Variants in RBFOX1 observed in about 807,000 individuals in gnomAD.
RBFOX1 encodes the protein RNA binding protein fox-1 homolog 1.
RBFOX1 carries 8 observed loss-of-function variants against 57.7 expected under a neutral mutation model. The observed-to-expected ratio is 0.14, with a 90% CI of 0.08 to 0.25. The LOEUF (loss-of-function observed/expected upper bound fraction) is 0.25. Among genes scored for constraint, RBFOX1 ranks in the 10% least tolerant of loss-of-function variants. The pLI is 1.00. For missense variants in RBFOX1, 611 were observed against 548.5 expected, an observed-to-expected ratio of 1.11 and a Z score of -1.14; for synonymous variants, 326 against 222.4, an observed-to-expected ratio of 1.47 and a Z score of -4.15.
At chr16:5,769,422 C>T (rs1160100636) in intron 3 of RBFOX1, among the ~76,000 whole-genome samples, 1 of 150,560 alleles carries the variant, frequency 6.6e-6, no homozygotes, top group Admixed American at 6.6e-5. Flanking sequence ...AGGTGGATCA[C>T]TTGAAGTCAG....
chr16:6,108,303 C>T (rs1414640081), intron 1 of RBFOX1, among the ~76,000 whole-genome samples: 1 of 152,068 alleles, frequency 6.6e-6, no homozygotes, highest in African/African-American at 2.4e-5. Flanking sequence ...TTTCTGAGTT[C>T]TGACAGCTCT....
Position 6,019,562 on chromosome 16 carries a change from G to A in RBFOX1, c.-557G>A. On this transcript the variant is annotated 5_prime_UTR_variant, in exon 1 of 16. Transcript: ENST00000550418. The surrounding 1 kb of genome is among the most constrained non-coding windows in gnomAD (Gnocchi z 4.2). ...CGGGAACAGCAGAGGCGGCGGCACT[G>A]GCTGGACCCACGCGCGCGCCTCCGG... The A allele has an allele frequency of 1.2e-5, 14 of 1,146,554 alleles. No homozygotes were observed. The highest frequency in any genetic ancestry group is 1.5e-5 in the Non-Finnish European group (14 of 933,108). 71.0% of individuals were successfully genotyped at this position (1,146,554 alleles called of 1,614,324 possible).
chr16:6,487,657 A>G (rs938758812), intron 2 of RBFOX1, among the ~76,000 whole-genome samples: 1 of 130,190 alleles, frequency 7.7e-6, no homozygotes, highest in African/African-American at 2.9e-5. Context: ...GCTTCCAAAG[A>G]TGGCAGTGAT....
chr16:6,019,314 C>T lies in RBFOX1; in HGVS notation c.-805C>T, dbSNP rs1485315379. ...TTTGAAGGTCACCTCCTTTCCAGTC[C>T]CCGTGCGAGCCGCGCTGCCGCCGCC... is the stretch of plus-strand genomic sequence containing the variant. On this transcript the variant is annotated 5_prime_UTR_variant, in exon 1 of 16. Transcript: ENST00000550418. This position sits in a 1 kb window ranked among gnomAD's most constrained non-coding sequence, Gnocchi z 4.2. The T allele has an allele frequency of 3.0e-6, 3 of 985,134 alleles. No individual in the cohort carries two copies. The highest frequency in any genetic ancestry group is 3.6e-6 in the Non-Finnish European group (3 of 830,200). 61.0% of individuals were successfully genotyped at this position (985,134 alleles called of 1,614,324 possible). A position where few individuals can be genotyped will look rare whatever the true frequency, so the allele number is the denominator to read the frequency against.
chr16:6,939,972 G>A (rs992790574), intron 3 of RBFOX1, among the ~76,000 whole-genome samples: 1 of 152,198 alleles, frequency 6.6e-6, no homozygotes. Context: ...GGAATTTAAA[G>A]TTTGTATAAT....
Position 7,443,158 on chromosome 16 carries a change from C to T in RBFOX1, c.28-74989C>T, listed in dbSNP as rs994246029. Among the ~76,000 whole-genome samples, 6 of 152,152 alleles carry T rather than the reference C, an allele frequency of 3.9e-5. No homozygotes were observed. The East Asian group carries it at 7.7e-4, about 20-fold the overall frequency. On this transcript the variant is annotated intron_variant, in intron 4 of 15. Coordinates refer to ENST00000550418, the MANE Select transcript of RBFOX1 (RefSeq NM_018723.4). ...AGATGTTTCTAATGTTTCTAACACC[C>T]GTCAATTCTAGGATCGCGTGGTACA...
intron 1 of RBFOX1, among the ~76,000 whole-genome samples, chr16:5,413,837 G>A (rs1485267409): frequency 6.6e-6 from 1 of 152,184 alleles, no homozygotes; most frequent in Admixed American, 6.5e-5. Context: ...GGGACATTAG[G>A]TAGGGTTGTT....
chr16:5,547,468 T>C (rs757223961), intron 2 of RBFOX1, among the ~76,000 whole-genome samples: 11 of 152,070 alleles, frequency 7.2e-5, no homozygotes, highest in Non-Finnish European at 1.5e-4. Flanking sequence ...CATGGGTAAG[T>C]CTCAAAATCT....
rs368455241 is a variant in RBFOX1 at position 6,698,876 on chromosome 16, T to C, written c.-16+44226T>C. Among the ~76,000 whole-genome samples, 16 of 152,292 alleles carry C rather than the reference T, an allele frequency of 1.1e-4. No homozygotes were observed. The East Asian group carries it at 1.7e-3, about 17-fold the overall frequency. On this transcript the variant is annotated intron_variant, in intron 3 of 15. Coordinates refer to ENST00000550418, the MANE Select transcript of RBFOX1 (RefSeq NM_018723.4). ...AGTTAATATGACCTTGGAGGGTTTTTGGATTCTTTGTGATATTTTCCCCCT... is the reference window on the plus strand; with the variant it reads ...AGTTAATATGACCTTGGAGGGTTTTCGGATTCTTTGTGATATTTTCCCCCT...
chr16:7,487,373 T>A (rs1233652370), intron 4 of RBFOX1, among the ~76,000 whole-genome samples: 2 of 152,214 alleles, frequency 1.3e-5, no homozygotes, highest in Non-Finnish European at 2.9e-5. Flanking sequence ...CATATCAATG[T>A]GTTTATGTGT....
At chr16:6,517,970 T>G (rs2096413694) in intron 2 of RBFOX1, among the ~76,000 whole-genome samples, 1 of 152,088 alleles carries the variant, frequency 6.6e-6, no homozygotes, top group Non-Finnish European at 1.5e-5. Flanking sequence ...TATTTTGCAT[T>G]TTGGAGACAT....
intron 3 of RBFOX1, among the ~76,000 whole-genome samples, chr16:6,838,727 G>A (rs1021972296): frequency 2.0e-5 from 3 of 152,196 alleles, no homozygotes; most frequent in Admixed American, 6.5e-5. Flanking sequence ...GTCCTGCATC[G>A]GTAATACATT....
intron 4 of RBFOX1, among the ~76,000 whole-genome samples, chr16:5,907,769 A>T (rs997820561): frequency 6.9e-6 from 1 of 145,610 alleles, no homozygotes; most frequent in Non-Finnish European, 1.5e-5. Flanking sequence ...TCATCATTTG[A>T]GATGGCATCT....
At chr16:5,444,895 C>G (rs1249968541) in intron 1 of RBFOX1, among the ~76,000 whole-genome samples, 1 of 152,150 alleles carries the variant, frequency 6.6e-6, no homozygotes, top group African/African-American at 2.4e-5. Flanking sequence ...CTGTTACTAG[C>G]CCTATTTTGC....
At chr16:6,017,211 C>G (rs1567263059), upstream of RBFOX1, among the ~76,000 whole-genome samples, 1 of 152,132 alleles carries the variant, frequency 6.6e-6, no homozygotes. Context: ...TCATTTGTTC[C>G]TTTCTGGAAT....
At chr16:7,228,227 T>TTGAA (rs58948380) in intron 4 of RBFOX1, among the ~76,000 whole-genome samples, 8,058 of 152,084 alleles carry the variant, frequency 0.053, 692 homozygotes, top group African/African-American at 0.18. Context: ...TACATATTTG[T>TTGAA]TGAATGAATG....
At chr16:7,130,516 G>C (rs1480667449) in intron 4 of RBFOX1, among the ~76,000 whole-genome samples, 1 of 152,130 alleles carries the variant, frequency 6.6e-6, no homozygotes, top group Non-Finnish European at 1.5e-5. Flanking sequence ...CACAGAGCCT[G>C]ACCCAGAGAG....
intron 4 of RBFOX1, among the ~76,000 whole-genome samples, chr16:7,470,895 T>C (rs2061437065): frequency 6.6e-6 from 1 of 151,692 alleles, no homozygotes; most frequent in African/African-American, 2.4e-5. Context: ...GATGGGGGAG[T>C]ATAATTTGCT....
At chr16:7,376,813 A>T (rs1379515244) in intron 4 of RBFOX1, among the ~76,000 whole-genome samples, 4 of 152,136 alleles carry the variant, frequency 2.6e-5, no homozygotes, top group East Asian at 1.9e-4. Context: ...TGCAGTAGAG[A>T]TGGGGAGAAT....
Sources: allele counts gnomAD v4.1 joint callset (sites outside exome capture counted in the v4.1 genomes callset), GRCh38; gene constraint gnomAD v4.1.1; non-coding constraint Gnocchi (gnomAD v3.1); transcripts MANE v1.5; gene names NCBI Gene and HGNC (gene_info 2026-07-23, HGNC 2026-07-21).